Variants in ARHGAP39 observed in about 807,000 individuals in gnomAD.
The protein encoded by ARHGAP39 is Rho GTPase activating protein 39, also known as rho GTPase-activating protein 39.
Under a neutral mutation model 106.9 loss-of-function variants are expected in ARHGAP39, and 44 were observed. That is an observed-to-expected ratio of 0.41 (90% CI 0.32 to 0.53). The LOEUF (loss-of-function observed/expected upper bound fraction) is 0.53. Among genes scored for constraint, ARHGAP39 ranks in the 20% least tolerant of loss-of-function variants. ARHGAP39 has a pLI of 0.21. For missense variants in ARHGAP39, 1,496 were observed against 1,577.3 expected (o/e 0.95, Z 0.87); for synonymous variants, 768 against 693.2 (o/e 1.11, Z -1.69).
chr8:144,560,397 T>C (rs1012812276), intron 3 of ARHGAP39, among the ~76,000 whole-genome samples: 1 of 152,162 alleles, frequency 6.6e-6, no homozygotes, highest in Admixed American at 6.5e-5. Context: ...ATCTTGCCAT[T>C]GCACTCCAGC....
chr8:144,608,885 AAT>A (rs1342871099), intron 1 of ARHGAP39, among the ~76,000 whole-genome samples: 2 of 152,218 alleles, frequency 1.3e-5, no homozygotes, highest in East Asian at 1.9e-4. Context: ...TACAGAAAAA[AAT>A]GTTATTTGTT....
chr8:144,576,006 C>A (rs1485195472), intron 3 of ARHGAP39, among the ~76,000 whole-genome samples: 1 of 152,162 alleles, frequency 6.6e-6, no homozygotes, highest in Non-Finnish European at 1.5e-5. Flanking sequence ...TCTACCCAAA[C>A]TAATCCATAA....
At chr8:144,661,116 C>T (rs377009635) in intron 1 of ARHGAP39, among the ~76,000 whole-genome samples, 1 of 152,158 alleles carries the variant, frequency 6.6e-6, no homozygotes, top group African/African-American at 2.4e-5. Context: ...CTCTCAGCAC[C>T]GCCGTGAAAA....
rs1218130874 is a variant in ARHGAP39, at chr8:144,605,654, C to T, written c.-40G>A. The T allele has an allele frequency of 3.1e-6, 5 of 1,596,766 alleles. No individual in the cohort carries two copies. Among genetic ancestry groups the T allele is most frequent in the Non-Finnish European group, 4.3e-6 (5 of 1,168,360 alleles). On this transcript the variant is annotated 5_prime_UTR_variant, in exon 2 of 12. Coordinates refer to ENST00000377307, the MANE Select transcript of ARHGAP39 (RefSeq NM_025251.3). ...GCGCCCACGTGGACAGACGTCAGGG[C>T]ACCATACGCACAACGCCAGCATCAG...
At chr8:144,666,217 AC>A (rs1203137984) in intron 1 of ARHGAP39, among the ~76,000 whole-genome samples, 12 of 152,170 alleles carry the variant, frequency 7.9e-5, no homozygotes, top group African/African-American at 2.4e-4. Context: ...TAAAACCTGT[AC>A]CCCCATTGTA....
chr8:144,604,212 CG>C lies in ARHGAP39; in HGVS notation c.80+1322del, dbSNP rs1404477343. ...TGGCCGGGAGGCAGCAGCTGCACCTCGGGGGGTGCGGGCGAGGCCTCTGTCG... is the reference window on the plus strand; with the variant it reads ...TGGCCGGGAGGCAGCAGCTGCACCTCGGGGGTGCGGGCGAGGCCTCTGTCG... On this transcript the variant is annotated intron_variant, in intron 2 of 11. Coordinates refer to ENST00000377307, the MANE Select transcript of ARHGAP39 (RefSeq NM_025251.3). The surrounding 1 kb of genome is among the most constrained non-coding windows in gnomAD (Gnocchi z 4.1). Among the ~76,000 whole-genome samples the C allele has an allele frequency of 1.2e-4, 18 of 152,104 alleles. No individual in the cohort carries two copies. Among genetic ancestry groups the C allele is most frequent in the Non-Finnish European group, 1.5e-5 (1 of 68,010 alleles).
chr8:144,613,197 T>C (rs1296349033), intron 1 of ARHGAP39, among the ~76,000 whole-genome samples: 2 of 152,268 alleles, frequency 1.3e-5, no homozygotes, highest in African/African-American at 2.4e-5. Flanking sequence ...TTTATTTCTG[T>C]ATATGTTATA....
At chr8:144,652,202 G>C (rs74948460) in intron 1 of ARHGAP39, among the ~76,000 whole-genome samples, 7 of 151,982 alleles carry the variant, frequency 4.6e-5, no homozygotes, top group Non-Finnish European at 1.0e-4. Flanking sequence ...CTGGGCGACA[G>C]TGCAAGACCC....
chr8:144,576,793 C>A (rs558390371), intron 3 of ARHGAP39, among the ~76,000 whole-genome samples: 12 of 152,128 alleles, frequency 7.9e-5, no homozygotes, highest in African/African-American at 2.9e-4. Context: ...AAAATGTTAA[C>A]GCCAAGTCCG....
chr8:144,638,443 T>A (rs1821231102), intron 1 of ARHGAP39, among the ~76,000 whole-genome samples: 1 of 152,272 alleles, frequency 6.6e-6, no homozygotes, highest in East Asian at 1.9e-4. Flanking sequence ...AAATACTGCC[T>A]CTTCTCCATT....
intron 1 of ARHGAP39, among the ~76,000 whole-genome samples, chr8:144,666,519 G>A (rs531378321): frequency 5.3e-5 from 8 of 152,246 alleles, no homozygotes; most frequent in East Asian, 1.9e-4. Context: ...GGAGGTACTC[G>A]AATCATGGGA....
At chr8:144,678,013 C>T (rs538850127) in intron 1 of ARHGAP39, among the ~76,000 whole-genome samples, 2 of 152,294 alleles carry the variant, frequency 1.3e-5, no homozygotes, top group South Asian at 4.1e-4. Flanking sequence ...CCCCCTGCTG[C>T]GCCAGCCATT....
chr8:144,614,442 T>G (rs1820581565), intron 1 of ARHGAP39, among the ~76,000 whole-genome samples: 1 of 150,908 alleles, frequency 6.6e-6, no homozygotes, highest in Admixed American at 6.6e-5. Flanking sequence ...AACCTCCGCC[T>G]CCCGGGTTCA....
At chr8:144,560,323 T>A (rs1433064755) in intron 3 of ARHGAP39, among the ~76,000 whole-genome samples, 2 of 152,150 alleles carry the variant, frequency 1.3e-5, no homozygotes, top group African/African-American at 2.4e-5. Flanking sequence ...TAATCCCAGC[T>A]ACTTGGGAGG....
Position 144,533,120 on chromosome 8 carries a change from T to G in ARHGAP39, c.2888+6A>C. Reference sequence around the variant, plus strand: ...CCACACCCGGCGCCCGGGGTTGCCGTGGCACCTGAAGATGCCCTCTGTCTG... The same window carrying G: ...CCACACCCGGCGCCCGGGGTTGCCGGGGCACCTGAAGATGCCCTCTGTCTG... On this transcript the variant is annotated splice_donor_region_variant and intron_variant, in intron 9 of 11. Coordinates refer to ENST00000377307, the MANE Select transcript of ARHGAP39 (RefSeq NM_025251.3). 1.3e-6 allele frequency: 2 copies of G among 1,595,052 alleles called. No homozygotes were observed. Among genetic ancestry groups the G allele is most frequent in the Non-Finnish European group, 1.7e-6 (2 of 1,171,350 alleles).
chr8:144,613,703 C>T (rs1254406692), intron 1 of ARHGAP39, among the ~76,000 whole-genome samples: 2 of 151,602 alleles, frequency 1.3e-5, no homozygotes, highest in East Asian at 1.9e-4. Flanking sequence ...TGATTTTCTT[C>T]ATTTCTTGTG....
Position 144,530,415 on chromosome 8 carries a change from G to GC in ARHGAP39, c.*6dup. 1 of 1,587,502 alleles carries GC rather than the reference G, an allele frequency of 6.3e-7. No homozygotes were observed. The highest frequency in any genetic ancestry group is 8.6e-7 in the Non-Finnish European group (1 of 1,164,040). The stretch of plus-strand genomic sequence containing the variant: ...CAGGACATCCCTCCTGTCCCCGGGC[G>GC]CCCCCGCTACAGCACACCCTCCATG... On this transcript the variant is annotated 3_prime_UTR_variant, in exon 12 of 12. Coordinates refer to ENST00000377307, the MANE Select transcript of ARHGAP39 (RefSeq NM_025251.3).
the ARHGAP39 span, among the ~76,000 whole-genome samples, chr8:144,694,425 G>A: frequency 7.9e-5 from 12 of 152,204 alleles, no homozygotes; most frequent in South Asian, 2.1e-4. Context: ...GGATGTCCCA[G>A]AGTGGAACGG....
intron 1 of ARHGAP39, among the ~76,000 whole-genome samples, chr8:144,666,490 T>C (rs1318492373): frequency 3.3e-5 from 5 of 152,122 alleles, no homozygotes; most frequent in Non-Finnish European, 5.9e-5. Context: ...TTCCCATGTG[T>C]TGTAGGAGGG....
Sources: allele counts gnomAD v4.1 joint callset (sites outside exome capture counted in the v4.1 genomes callset), GRCh38; gene constraint gnomAD v4.1.1; non-coding constraint Gnocchi (gnomAD v3.1); transcripts MANE v1.5; gene names NCBI Gene and HGNC (gene_info 2026-07-23, HGNC 2026-07-21).